Variants in USP10 observed in about 807,000 individuals in gnomAD.
USP10 encodes the protein ubiquitin specific peptidase 10, also known as ubiquitin carboxyl-terminal hydrolase 10.
Under a neutral mutation model 84.5 loss-of-function variants are expected in USP10, and 22 were observed. The ratio of observed to expected loss-of-function variants is 0.26; its 90% confidence interval spans 0.19 to 0.37. USP10 has a LOEUF of 0.37. Ranked by LOEUF, USP10 falls within the 10% of genes least tolerant of loss-of-function variation. The pLI is 1.00. For synonymous variants in USP10, 454 were observed against 387.6 expected, an observed-to-expected ratio of 1.17 and a Z score of -2.01; for missense variants, 1,019 against 998.9, an observed-to-expected ratio of 1.02 and a Z score of -0.27.
At chr16:84,765,993 C>A (rs544598137) in intron 10 of USP10, among the ~76,000 whole-genome samples, 2 of 152,338 alleles carry the variant, frequency 1.3e-5, no homozygotes, top group African/African-American at 4.8e-5. Flanking sequence ...AGCCTAATTT[C>A]CTTTCTGAGG....
At chr16:84,742,449 C>T (rs1415643060) in intron 3 of USP10, among the ~76,000 whole-genome samples, 1 of 152,210 alleles carries the variant, frequency 6.6e-6, no homozygotes, top group Non-Finnish European at 1.5e-5. Context: ...GAGCAGGGCC[C>T]TTGTGTCACT....
chr16:84,700,193 C>G (rs1904652981), intron 1 of USP10, 82 bp downstream of exon 1: 11 of 1,080,904 alleles, frequency 1.0e-5, no homozygotes, highest in Non-Finnish European at 1.0e-5. Context: ...CGTCCGCGCC[C>G]TGCCCGGAGC....
At chr16:84,702,112 A>G (rs1904959670) in intron 1 of USP10, among the ~76,000 whole-genome samples, 1 of 121,594 alleles carries the variant, frequency 8.2e-6, no homozygotes, top group Non-Finnish European at 1.6e-5. Context: ...GCTGGAGTGC[A>G]GTGGCATGAT....
intron 9 of USP10, 53 bp downstream of exon 9, chr16:84,763,141 G>A (rs569812214): frequency 1.9e-5 from 23 of 1,181,118 alleles, no homozygotes; most frequent in South Asian, 3.9e-5. Flanking sequence ...CTGTAAACAG[G>A]TGTTGCATAC....
intron 4 of USP10, among the ~76,000 whole-genome samples, chr16:84,756,787 C>G (rs964117128): frequency 6.6e-6 from 1 of 152,186 alleles, no homozygotes; most frequent in African/African-American, 2.4e-5. Context: ...ACTGCAATGA[C>G]ATTAGTTGCT....
At chr16:84,704,795 C>T (rs1905264869) in intron 1 of USP10, 1 of 1,535,456 alleles carries the variant, frequency 6.5e-7, no homozygotes, top group African/African-American at 1.4e-5. Flanking sequence ...GAAGCTCTAC[C>T]AGCACTGCCA....
chr16:84,773,124 C>T lies in USP10; in HGVS notation c.2143+439C>T, dbSNP rs373776630. Among the ~76,000 whole-genome samples, 9 of 152,292 alleles carry T rather than the reference C, an allele frequency of 5.9e-5. No homozygotes were observed. The East Asian group carries it at 9.7e-4, about 16-fold the overall frequency. ...GTGGTGGCGCACAAATAAGACGTGG[C>T]ACTTACCAGCCTCAAGTCTCTGTCA... is the stretch of plus-strand genomic sequence containing the variant. On this transcript the variant is annotated intron_variant, in intron 12 of 13. Transcript: ENST00000219473.
At chr16:84,778,512 A>G (rs936355058) in intron 13 of USP10, among the ~76,000 whole-genome samples, 1 of 152,224 alleles carries the variant, frequency 6.6e-6, no homozygotes, top group Non-Finnish European at 1.5e-5. Flanking sequence ...AGATTCAGAT[A>G]ATCTCTTCAG....
chr16:84,728,075 T>C (rs1908743689), intron 1 of USP10, among the ~76,000 whole-genome samples: 1 of 152,206 alleles, frequency 6.6e-6, no homozygotes, highest in African/African-American at 2.4e-5. Context: ...CCTCCCCTCT[T>C]TTGATAACAT....
intron 13 of USP10, among the ~76,000 whole-genome samples, chr16:84,777,601 T>G (rs764818903): frequency 1.2e-4 from 19 of 152,172 alleles, no homozygotes; most frequent in Non-Finnish European, 1.9e-4. Flanking sequence ...TTCAGTCTCC[T>G]CCGGGGTCCC....
intron 1 of USP10, chr16:84,704,651 A>G: frequency 1.4e-6 from 2 of 1,424,812 alleles, no homozygotes; most frequent in Non-Finnish European, 1.8e-6. Context: ...TTCAAGGATC[A>G]GAAAATGTAG....
chr16:84,745,745 G>T (rs1419124928), intron 4 of USP10, 72 bp downstream of exon 4: 14 of 1,460,322 alleles, frequency 9.6e-6, no homozygotes, highest in African/African-American at 1.4e-5. Flanking sequence ...ATAGACTGTG[G>T]TGTTACCCAT....
intron 1 of USP10, chr16:84,716,605 G>A (rs911974376): frequency 6.6e-6 from 1 of 152,142 alleles, no homozygotes. Context: ...TGCCTGCGTT[G>A]AGCTTTGAAG....
chr16:84,765,973 G>A (rs796438597), intron 10 of USP10, among the ~76,000 whole-genome samples: 1 of 152,286 alleles, frequency 6.6e-6, no homozygotes, highest in African/African-American at 2.4e-5. Flanking sequence ...TACTGAAGAG[G>A]CCTCATTGGA....
intron 4 of USP10, 82 bp downstream of exon 4, chr16:84,745,755 T>C (rs957486386): frequency 7.2e-7 from 1 of 1,396,378 alleles, no homozygotes; most frequent in Non-Finnish European, 9.7e-7. Context: ...GTGTTACCCA[T>C]AACAATGGCA....
intron 10 of USP10, 21 bp from the exon 11 acceptor site, chr16:84,768,172 G>A: frequency 6.4e-7 from 1 of 1,553,016 alleles, no homozygotes; most frequent in Non-Finnish European, 8.7e-7. Context: ...TAATTTTTTT[G>A]TTTTTGCTTT....
At chr16:84,767,625 G>A (rs903580560) in intron 10 of USP10, among the ~76,000 whole-genome samples, 1 of 152,130 alleles carries the variant, frequency 6.6e-6, no homozygotes, top group Non-Finnish European at 1.5e-5. Flanking sequence ...TTTATGAACC[G>A]GTGCAGTAAA....
chr16:84,700,305 C>T (rs1237157566), intron 1 of USP10, among the ~76,000 whole-genome samples, 194 bp downstream of exon 1: 2 of 151,958 alleles, frequency 1.3e-5, no homozygotes, highest in African/African-American at 4.8e-5. Flanking sequence ...CCCTGAGCCA[C>T]CCGGACCCCC....
intron 4 of USP10, among the ~76,000 whole-genome samples, chr16:84,754,750 G>A (rs937342243): frequency 1.3e-5 from 2 of 152,138 alleles, no homozygotes; most frequent in African/African-American, 4.8e-5. Flanking sequence ...GAAAAAAGTC[G>A]GTTTATAGTT....
Sources: gnomAD v4.1 joint callset for allele counts (sites outside exome capture counted in the v4.1 genomes callset) on GRCh38, gnomAD v4.1.1 for gene constraint, MANE v1.5 for transcripts, NCBI Gene and HGNC (gene_info 2026-07-23, HGNC 2026-07-21) for gene names.